EVC: variants seen among roughly 807,000 people sequenced by gnomAD.
EVC encodes EvC ciliary complex subunit 1.
A neutral mutation model predicts 118.9 loss-of-function variants in EVC; 116 were observed. The ratio of observed to expected loss-of-function variants is 0.98; its 90% CI spans 0.84 to 1.14. EVC has a LOEUF of 1.14. Ranked by LOEUF, EVC falls within the 50% of genes most tolerant of loss-of-function variation. EVC has a pLI of 0.00. For missense variants in EVC, 1,401 were observed against 1,246.4 expected (o/e 1.12, Z -1.87); for synonymous variants, 619 against 534.7 (o/e 1.16, Z -2.18).
At position 5,745,320 on chromosome 4, in the gene EVC, C is replaced by G; in HGVS notation, c.918C>G (p.Tyr306Ter). The change falls in exon 7 of 21, where the codon TAC becomes TAG. Residue 306 changes from tyrosine to a stop codon, truncating the protein, a stop_gained. Transcript: ENST00000264956. LOFTEE classifies it high-confidence loss of function. ...ATGTGGAAAAGAAGGAGAGAGAATA[C>G]TCTGAACAGCTAATCGATAATGTGC... ...LADVEKKERE[Y>*]SEQLIDNMEA... 6.2e-7 allele frequency: 1 copy of G among 1,614,038 alleles called. No homozygotes were observed. The highest frequency in any genetic ancestry group is 8.5e-7 in the Non-Finnish European group (1 of 1,179,954).
chr4:5,739,649 G>A (rs538565865), intron 5 of EVC, among the ~76,000 whole-genome samples: 2 of 152,308 alleles, frequency 1.3e-5, no homozygotes, highest in African/African-American at 4.8e-5. Flanking sequence ...CTGTATGCCT[G>A]TGTGGCATAT....
At chr4:5,735,912 G>A (rs934673458) in intron 5 of EVC, among the ~76,000 whole-genome samples, 3 of 152,328 alleles carry the variant, frequency 2.0e-5, no homozygotes, top group African/African-American at 7.2e-5. Context: ...TGCTGGGACT[G>A]TAAGAACCTG....
chr4:5,729,903 T>C (rs1726509541), intron 3 of EVC, among the ~76,000 whole-genome samples: 1 of 152,190 alleles, frequency 6.6e-6, no homozygotes, highest in South Asian at 2.1e-4. Context: ...TGACAGGAAG[T>C]GGCAGAGCCA....
intron 13 of EVC, among the ~76,000 whole-genome samples, chr4:5,794,068 A>G (rs13130111): frequency 0.27 from 41,438 of 151,362 alleles, 6,757 homozygotes; most frequent in South Asian, 0.53. Context: ...AATTGCTACA[A>G]CGCAATTGTA....
chr4:5,739,538 T>C (rs1050525218), intron 5 of EVC, among the ~76,000 whole-genome samples: 3 of 152,208 alleles, frequency 2.0e-5, no homozygotes, highest in African/African-American at 7.2e-5. Flanking sequence ...TACATTAGGC[T>C]GGCCCAGAAG....
At chr4:5,724,570 G>A (rs1552062) in intron 2 of EVC, among the ~76,000 whole-genome samples, 2 of 151,934 alleles carry the variant, frequency 1.3e-5, no homozygotes, top group Admixed American at 6.6e-5. Flanking sequence ...ATGATTAGCT[G>A]TGTGGCCTTG....
chr4:5,737,035 G>C lies in EVC; in HGVS notation c.702+3600G>C, dbSNP rs1357386626. Among the ~76,000 whole-genome samples the C allele has an allele frequency of 6.6e-6, 1 of 152,184 alleles. No homozygotes were observed. The highest frequency in any genetic ancestry group is 2.4e-5 in the African/African-American group (1 of 41,446). Reference sequence around the variant, plus strand: ...GCCAAGTTGTGAATGCAAAGAAAAAGTTCTTGAAGGAAATTAAAAGTGCTA... The same window carrying C: ...GCCAAGTTGTGAATGCAAAGAAAAACTTCTTGAAGGAAATTAAAAGTGCTA... On this transcript the variant is annotated intron_variant, in intron 5 of 20. Transcript: ENST00000264956. This position sits in a 1 kb window ranked among gnomAD's most constrained non-coding sequence, Gnocchi z 5.0.
intron 9 of EVC, 35 bp downstream of exon 9, chr4:5,753,087 A>G (rs1437256549): frequency 6.5e-7 from 1 of 1,539,528 alleles, no homozygotes; most frequent in Admixed American, 1.9e-5. Flanking sequence ...CGTCCACAAC[A>G]CTGGCCTTCT....
At chr4:5,722,085 A>G (rs928356965) in intron 2 of EVC, among the ~76,000 whole-genome samples, 2 of 152,128 alleles carry the variant, frequency 1.3e-5, no homozygotes, top group Non-Finnish European at 2.9e-5. Context: ...GCTCTGCCAC[A>G]TGTTTGCTGT....
chr4:5,808,521 G>T (rs1400672852), intron 18 of EVC, among the ~76,000 whole-genome samples, 194 bp downstream of exon 18: 1 of 152,224 alleles, frequency 6.6e-6, no homozygotes, highest in Non-Finnish European at 1.5e-5. Context: ...GAGGGCAAGT[G>T]TGGCCTGTGT....
intron 11 of EVC, among the ~76,000 whole-genome samples, chr4:5,774,226 TC>T (rs1188875905): frequency 6.6e-6 from 1 of 151,048 alleles, no homozygotes; most frequent in Non-Finnish European, 1.5e-5. Context: ...ATCTCTCCCC[TC>T]CTCCTGCTTG....
the EVC span, chr4:5,821,966 T>A: frequency 1.2e-6 from 1 of 813,022 alleles, no homozygotes; most frequent in Non-Finnish European, 1.8e-6. The surrounding 1 kb of genome is among the most constrained non-coding windows in gnomAD (Gnocchi z 4.4). Flanking sequence ...CATTCAGGGC[T>A]CAGTCCAGGA....
At position 5,804,795 on chromosome 4, in the gene EVC, A is replaced by G. The variant is rs1002792571; in HGVS notation, c.2515A>G (p.Arg839Gly). 1.9e-6 allele frequency: 3 copies of G among 1,614,072 alleles called. No homozygotes were observed. In the African/African-American group the frequency reaches 4.0e-5, roughly 22 times the overall value. Reference protein sequence around the residue: ...QELSNPSSGSRTAGGAHETSQ... With the variant: ...QELSNPSSGSGTAGGAHETSQ... ...ACTCAGCAACCCTTCGTCGGGCAGC[A>G]GGACGGCAGGTGGCGCTCATGAGAC... The change falls in exon 17 of 21, where the codon AGG (arginine) becomes GGG (glycine). Residue 839 changes from arginine to glycine, a missense_variant. Coordinates refer to ENST00000264956, the MANE Select transcript of EVC (RefSeq NM_153717.3).
At chr4:5,816,933 C>T (rs184700557), downstream of EVC, among the ~76,000 whole-genome samples, 30 of 152,110 alleles carry the variant, frequency 2.0e-4, no homozygotes, top group African/African-American at 6.8e-4. Context: ...TGGGCCCAGG[C>T]AACCCTAGAG....
the EVC span, chr4:5,824,739 A>G: frequency 5.6e-5 from 55 of 985,228 alleles, 1 homozygote; most frequent in Non-Finnish European, 6.3e-5. Flanking sequence ...TAAGAAAAAA[A>G]ATCACCATAC....
At position 5,783,677 on chromosome 4, in the gene EVC, G is replaced by T; in HGVS notation, c.1689G>T (p.Glu563Asp). 1 of 1,614,208 alleles carries T rather than the reference G, an allele frequency of 6.2e-7. No individual in the cohort carries two copies. The highest frequency in any genetic ancestry group is 1.1e-5 in the South Asian group (1 of 91,082). The part of the protein sequence containing the change: ...ECDYLRQEVQ[E>D]NAAWQLGKSN... ...ACTACTTGAGGCAGGAAGTCCAGGA[G>T]AACGCTGCCTGGCAGCTGGGGAAGT... Residue 563 changes from glutamate (E) to aspartate (D), a missense_variant, in exon 12 of 21, where the codon GAG (glutamate) becomes GAT (aspartate). Coordinates refer to ENST00000264956, the MANE Select transcript of EVC (RefSeq NM_153717.3).
intron 3 of EVC, among the ~76,000 whole-genome samples, chr4:5,730,361 C>T (rs1726587682): frequency 6.6e-6 from 1 of 152,134 alleles, no homozygotes; most frequent in Non-Finnish European, 1.5e-5. Context: ...CCTTGTTTAA[C>T]ACAAGCTTTA....
At position 5,812,758 on chromosome 4, in the gene EVC, A is replaced by G. The variant is rs1717118989; in HGVS notation, c.*1721A>G. The stretch of plus-strand genomic sequence containing the variant: ...TGCCCAGAGCATCACAGGATGTTCC[A>G]GTGTCCCTGGTCTCTGCCCACCAGA... On this transcript the variant is annotated 3_prime_UTR_variant, in exon 21 of 21. Coordinates refer to ENST00000264956, the MANE Select transcript of EVC (RefSeq NM_153717.3). 1 of 153,484 alleles carries G rather than the reference A, an allele frequency of 6.5e-6. No homozygotes were observed. Among genetic ancestry groups the G allele is most frequent in the South Asian group, 2.0e-4 (1 of 4,920 alleles). 9.5% of individuals were successfully genotyped at this position (153,484 alleles called of 1,614,324 possible).
chr4:5,803,819 G>T (rs1303234434), intron 16 of EVC, among the ~76,000 whole-genome samples: 2 of 152,184 alleles, frequency 1.3e-5, no homozygotes, highest in Admixed American at 6.5e-5. Flanking sequence ...CCTTGAGTGG[G>T]TTTTCAGCTG....
Sources: gnomAD v4.1 joint callset for allele counts (sites outside exome capture counted in the v4.1 genomes callset) on GRCh38, gnomAD v4.1.1 for gene constraint, Gnocchi (gnomAD v3.1) non-coding constraint, MANE v1.5 for transcripts, NCBI Gene and HGNC (gene_info 2026-07-23, HGNC 2026-07-21) for gene names.